The following GLT1D1 variants were observed in gnomAD, a reference collection of about 807,000 sequenced individuals.
The protein encoded by GLT1D1 is glycosyltransferase 1 domain containing 1.
A neutral mutation model predicts 28.7 loss-of-function variants in GLT1D1; 21 were observed. That is an observed-to-expected ratio of 0.73 (90% CI 0.52 to 1.05). GLT1D1 has a LOEUF of 1.05. Among genes scored for constraint, GLT1D1 ranks in the 50% least tolerant of loss-of-function variants. GLT1D1 has a pLI of 0.00. For missense variants in GLT1D1, 343 were observed against 330.6 expected, an observed-to-expected ratio of 1.04 and a Z score of -0.29; for synonymous variants, 147 against 124.8, an observed-to-expected ratio of 1.18 and a Z score of -1.19.
intron 7 of GLT1D1, among the ~76,000 whole-genome samples, chr12:128,979,471 C>G (rs1190330935): frequency 2.6e-5 from 4 of 152,216 alleles, no homozygotes; most frequent in Non-Finnish European, 5.9e-5. Context: ...CCACCCTCAG[C>G]TCTTAGAAGC....
intron 3 of GLT1D1, among the ~76,000 whole-genome samples, chr12:128,895,700 C>A (rs1869550652): frequency 6.6e-6 from 1 of 152,010 alleles, no homozygotes; most frequent in Non-Finnish European, 1.5e-5. Context: ...CTCAGGTGAT[C>A]CTCCCCCCTC....
chr12:128,868,651 A>G (rs1231503497), intron 1 of GLT1D1, among the ~76,000 whole-genome samples: 1 of 152,150 alleles, frequency 6.6e-6, no homozygotes, highest in Non-Finnish European at 1.5e-5. Context: ...GTGACCTTGT[A>G]GCAGTGAGTA....
intron 7 of GLT1D1, among the ~76,000 whole-genome samples, chr12:128,964,802 A>G (rs1275687071): frequency 1.3e-5 from 2 of 152,224 alleles, no homozygotes; most frequent in African/African-American, 4.8e-5. Context: ...GTGAGGTTTA[A>G]GGAAGGAAGG....
At chr12:128,901,505 C>T (rs867030595) in intron 4 of GLT1D1, among the ~76,000 whole-genome samples, 2 of 151,034 alleles carry the variant, frequency 1.3e-5, no homozygotes, top group African/African-American at 4.9e-5. Context: ...GGCGCGATCT[C>T]GGCTCACTGC....
At chr12:128,893,012 G>A (rs1174154616) in intron 3 of GLT1D1, among the ~76,000 whole-genome samples, 1 of 152,138 alleles carries the variant, frequency 6.6e-6, no homozygotes, top group African/African-American at 2.4e-5. Flanking sequence ...TTGAGAGGCC[G>A]AAGCGGGTGG....
At chr12:128,914,982 A>G in intron 4 of GLT1D1, 1 of 1,535,698 alleles carries the variant, frequency 6.5e-7, no homozygotes, top group South Asian at 1.2e-5. Context: ...CCTTTCTTCA[A>G]CGCTCTGGTG....
rs746971289 is a variant in GLT1D1 at position 128,888,636 on chromosome 12, C to A, written c.218-3C>A. On this transcript the variant is annotated splice_region_variant and splice_polypyrimidine_tract_variant and intron_variant, in intron 2 of 7. Transcript: ENST00000281703. ...CTGCTTTGTGACTGTCATCGTTTTG[C>A]AGGCCACCGAATCCCTTTTGGAGTC... The A allele has an allele frequency of 1.3e-6, 2 of 1,597,838 alleles. No individual in the cohort carries two copies. The highest frequency in any genetic ancestry group is 1.7e-6 in the Non-Finnish European group (2 of 1,167,308).
chr12:128,950,913 G>A (rs1488656233), intron 6 of GLT1D1, among the ~76,000 whole-genome samples: 1 of 152,142 alleles, frequency 6.6e-6, no homozygotes, highest in Non-Finnish European at 1.5e-5. Context: ...GTTGGTTGAA[G>A]GACCTGAACT....
chr12:128,934,195 A>G (rs1190772121), intron 4 of GLT1D1, among the ~76,000 whole-genome samples: 2 of 134,042 alleles, frequency 1.5e-5, no homozygotes, highest in African/African-American at 2.7e-5. Context: ...TCAAAGAGAC[A>G]GTCTTTTTTT....
intron 7 of GLT1D1, among the ~76,000 whole-genome samples, chr12:128,967,803 T>A (rs1025690176): frequency 6.6e-6 from 1 of 152,218 alleles, no homozygotes; most frequent in Non-Finnish European, 1.5e-5. Context: ...GTAACATCTA[T>A]AATTCTTGGA....
chr12:128,864,156 G>A (rs1030378244), intron 1 of GLT1D1: 11 of 687,152 alleles, frequency 1.6e-5, no homozygotes, highest in Non-Finnish European at 2.4e-5. Flanking sequence ...TGCTGACTGC[G>A]AGGTGCCTGT....
At chr12:128,891,016 A>G (rs1868986795) in intron 3 of GLT1D1, among the ~76,000 whole-genome samples, 3 of 151,824 alleles carry the variant, frequency 2.0e-5, no homozygotes, top group African/African-American at 7.3e-5. Flanking sequence ...AACAACAGCA[A>G]CAACAACAAA....
At chr12:128,857,922 G>A (rs941973657) in intron 1 of GLT1D1, among the ~76,000 whole-genome samples, 9 of 152,292 alleles carry the variant, frequency 5.9e-5, no homozygotes, top group South Asian at 4.1e-4. Context: ...GGTGGGGACC[G>A]ATCCCAGATC....
At chr12:128,974,832 T>C (rs1265807682) in intron 7 of GLT1D1, among the ~76,000 whole-genome samples, 2 of 152,232 alleles carry the variant, frequency 1.3e-5, no homozygotes, top group Non-Finnish European at 2.9e-5. Context: ...TGGATGCATG[T>C]TGGCTGCTGT....
At chr12:128,934,253 G>A (rs543999908) in intron 4 of GLT1D1, among the ~76,000 whole-genome samples, 9 of 144,612 alleles carry the variant, frequency 6.2e-5, no homozygotes, top group African/African-American at 2.3e-4. Flanking sequence ...GCCCAGGCTG[G>A]ATTGAAGTGG....
intron 3 of GLT1D1, among the ~76,000 whole-genome samples, chr12:128,896,421 G>A (rs1869629036): frequency 6.6e-6 from 1 of 151,814 alleles, no homozygotes; most frequent in South Asian, 2.1e-4. Context: ...AGAAGCCAGG[G>A]AAAAGCAAAT....
chr12:128,952,441 G>GT (rs1440413290), intron 6 of GLT1D1, among the ~76,000 whole-genome samples: 1 of 131,036 alleles, frequency 7.6e-6, no homozygotes, highest in Non-Finnish European at 1.6e-5. Context: ...GGGTGGGGGG[G>GT]GGTGGGGCTG....
intron 6 of GLT1D1, among the ~76,000 whole-genome samples, chr12:128,956,137 T>C (rs1220938503): frequency 6.4e-5 from 3 of 46,576 alleles, no homozygotes; most frequent in East Asian, 7.1e-4. Flanking sequence ...CCAGCTTGGG[T>C]GACAGAGCGA....
At chr12:128,874,274 C>T (rs570969580) in intron 1 of GLT1D1, among the ~76,000 whole-genome samples, 5 of 150,302 alleles carry the variant, frequency 3.3e-5, no homozygotes, top group East Asian at 2.0e-4. Flanking sequence ...GTTTGCCTCC[C>T]GGGTTCAAGC....
Sources: gnomAD v4.1 joint callset for allele counts (sites outside exome capture counted in the v4.1 genomes callset) on GRCh38, gnomAD v4.1.1 for gene constraint, MANE v1.5 for transcripts, NCBI Gene and HGNC (gene_info 2026-07-23, HGNC 2026-07-21) for gene names.